Variants in NTRK3 observed in about 807,000 individuals in gnomAD.
The protein encoded by NTRK3 is neurotrophic receptor tyrosine kinase 3.
NTRK3 carries 24 observed loss-of-function variants against 91.7 expected under a neutral mutation model. The ratio of observed to expected loss-of-function variants is 0.26; its 90% CI spans 0.19 to 0.37. The LOEUF (loss-of-function observed/expected upper bound fraction) is 0.37. NTRK3 is among the 10% of genes least tolerant of loss of function. NTRK3 has a pLI of 1.00. For synonymous variants in NTRK3, 483 were observed against 404.0 expected (o/e 1.20, Z -2.34); for missense variants, 880 against 1,068.9 (o/e 0.82, Z 2.46).
intron 14 of NTRK3, among the ~76,000 whole-genome samples, chr15:87,990,819 T>C (rs559233095): frequency 6.6e-6 from 1 of 152,250 alleles, no homozygotes; most frequent in East Asian, 1.9e-4. Flanking sequence ...ACACTCTCAG[T>C]CTCTTACCTA....
intron 18 of NTRK3, among the ~76,000 whole-genome samples, chr15:87,878,138 C>T (rs764168578): frequency 6.6e-6 from 1 of 152,172 alleles, no homozygotes; most frequent in Non-Finnish European, 1.5e-5. Flanking sequence ...TAACTTTGGT[C>T]AAGTCACTGA....
chr15:87,961,229 A>G (rs2072253116), intron 14 of NTRK3, among the ~76,000 whole-genome samples: 1 of 152,204 alleles, frequency 6.6e-6, no homozygotes, highest in Non-Finnish European at 1.5e-5. Flanking sequence ...CCCTGTGCAC[A>G]GCCATCTCCC....
Position 88,235,793 on chromosome 15 carries a change from T to G in NTRK3, c.248+20113A>C, listed in dbSNP as rs1338792378. ...TCCTCTGCAAAAAGCAGCAAGAAGC[T>G]GTGCACCACAACAGGAACCCCCCTG... On this transcript the variant is annotated intron_variant, in intron 3 of 18. Coordinates refer to ENST00000394480, the Ensembl canonical transcript of NTRK3. The surrounding 1 kb of genome is among the most constrained non-coding windows in gnomAD (Gnocchi z 5.2). 2.0e-5 allele frequency among the ~76,000 whole-genome samples: 3 copies of G among 152,354 alleles called. No homozygotes were observed. The East Asian group carries it at 5.8e-4, about 29-fold the overall frequency.
chr15:88,079,038 G>A (rs889460387), intron 13 of NTRK3, among the ~76,000 whole-genome samples: 5 of 152,192 alleles, frequency 3.3e-5, no homozygotes, highest in Admixed American at 6.5e-5. Flanking sequence ...AGTGCAGGGA[G>A]CACAGGTGAA....
chr15:88,111,278 T>A (rs1476983546), intron 13 of NTRK3, among the ~76,000 whole-genome samples: 1 of 152,094 alleles, frequency 6.6e-6, no homozygotes, highest in Non-Finnish European at 1.5e-5. Context: ...GGAATTGAGG[T>A]TTCTACCAGG....
chr15:88,074,882 G>A (rs1195670924), intron 13 of NTRK3, among the ~76,000 whole-genome samples: 1 of 152,120 alleles, frequency 6.6e-6, no homozygotes, highest in African/African-American at 2.4e-5. Flanking sequence ...TCTGTAAAAT[G>A]GGAATAAAAT....
chr15:87,882,095 C>T (rs1301586376), intron 17 of NTRK3, among the ~76,000 whole-genome samples: 1 of 151,860 alleles, frequency 6.6e-6, no homozygotes, highest in Non-Finnish European at 1.5e-5. Flanking sequence ...GGGGTTTCAC[C>T]GCATTGGTCA....
chr15:88,157,891 T>C (rs1179767778), intron 5 of NTRK3, among the ~76,000 whole-genome samples: 2 of 152,038 alleles, frequency 1.3e-5, no homozygotes, highest in East Asian at 3.9e-4. Context: ...GGCACCAGGG[T>C]TCCTGATACT....
At chr15:87,892,440 T>G (rs1319454121) in intron 17 of NTRK3, among the ~76,000 whole-genome samples, 6 of 152,218 alleles carry the variant, frequency 3.9e-5, no homozygotes, top group Non-Finnish European at 1.5e-5. Flanking sequence ...TAACAAAATG[T>G]CTTTCTTTTC....
At chr15:88,182,209 G>C (rs1384693485) in intron 5 of NTRK3, among the ~76,000 whole-genome samples, 2 of 152,158 alleles carry the variant, frequency 1.3e-5, no homozygotes, top group Non-Finnish European at 2.9e-5. Flanking sequence ...TCCGCAGAAA[G>C]CAGAGGTGGC....
chr15:88,207,897 C>G (rs2048929515), intron 3 of NTRK3, among the ~76,000 whole-genome samples: 1 of 152,210 alleles, frequency 6.6e-6, no homozygotes, highest in Non-Finnish European at 1.5e-5. Flanking sequence ...CCTGTGGACA[C>G]AAGTCATCAT....
exon 19 of NTRK3, chr15:87,864,123 T>C (rs2064600779): frequency 4.3e-6 from 1 of 232,674 alleles, no homozygotes; most frequent in Admixed American, 5.6e-5. Context: ...TTCTTTCACA[T>C]TCAGAGTGAG....
At chr15:87,890,787 T>C (rs1441739349) in intron 17 of NTRK3, among the ~76,000 whole-genome samples, 1 of 152,172 alleles carries the variant, frequency 6.6e-6, no homozygotes, top group African/African-American at 2.4e-5. Context: ...TATTTCCCAC[T>C]CCAGCCTTTG....
chr15:88,238,077 G>C (rs1014466740), intron 3 of NTRK3, among the ~76,000 whole-genome samples: 26 of 152,078 alleles, frequency 1.7e-4, no homozygotes, highest in Non-Finnish European at 3.5e-4. Flanking sequence ...CACACACAGA[G>C]AGAAGACCAT....
chr15:87,878,776 T>G (rs2065072762), intron 18 of NTRK3, among the ~76,000 whole-genome samples: 1 of 152,202 alleles, frequency 6.6e-6, no homozygotes, highest in African/African-American at 2.4e-5. Flanking sequence ...GCAAACACCC[T>G]GTTAGCTGCT....
intron 5 of NTRK3, among the ~76,000 whole-genome samples, chr15:88,151,372 A>G (rs2043360971): frequency 6.6e-6 from 1 of 152,194 alleles, no homozygotes; most frequent in South Asian, 2.1e-4. Flanking sequence ...CAGATGGCTG[A>G]ACCCTGGGCC....
chr15:88,011,200 C>T (rs929412440), intron 14 of NTRK3, among the ~76,000 whole-genome samples: 1 of 152,162 alleles, frequency 6.6e-6, no homozygotes. Flanking sequence ...CCCCAGAAAA[C>T]ACCTCCACAC....
chr15:87,870,851 A>G (rs948129765), exon 19 of NTRK3: 6 of 225,838 alleles, frequency 2.7e-5, no homozygotes, highest in Non-Finnish European at 4.4e-5. Flanking sequence ...AGAAACTTCC[A>G]GCTTTGTCAG....
intron 3 of NTRK3, among the ~76,000 whole-genome samples, chr15:88,186,616 G>A (rs1351749576): frequency 6.6e-6 from 1 of 152,122 alleles, no homozygotes; most frequent in Non-Finnish European, 1.5e-5. Context: ...CAGCCCCAGA[G>A]CTAAAAATAG....
Sources: gnomAD v4.1 joint callset for allele counts (sites outside exome capture counted in the v4.1 genomes callset) on GRCh38, gnomAD v4.1.1 for gene constraint, Gnocchi (gnomAD v3.1) non-coding constraint, MANE v1.5 for transcripts, NCBI Gene and HGNC (gene_info 2026-07-23, HGNC 2026-07-21) for gene names.